ROS1: variants seen among roughly 807,000 people sequenced by gnomAD.
ROS1 encodes proto-oncogene tyrosine-protein kinase ROS.
Under a neutral mutation model 273.5 loss-of-function variants are expected in ROS1, and 263 were observed. The ratio of observed to expected loss-of-function variants is 0.96; its 90% CI spans 0.87 to 1.06. ROS1 has a LOEUF of 1.06. Ranked by LOEUF, ROS1 falls within the 50% of genes least tolerant of loss-of-function variation. The pLI is 0.00. For missense variants in ROS1, 2,833 were observed against 2,751.1 expected (o/e 1.03, Z -0.67); for synonymous variants, 1,008 against 954.1 (o/e 1.06, Z -1.04).
At chr6:117,356,994 C>G in intron 25 of ROS1, 79 bp from the exon 26 acceptor site, 2 of 1,231,624 alleles carry the variant, frequency 1.6e-6, no homozygotes, top group Non-Finnish European at 2.3e-6. Context: ...TGCAGAGCAA[C>G]TATTGCTAAT....
chr6:117,365,329 C>T (rs1780125845), intron 20 of ROS1, 125 bp from the exon 21 acceptor site: 1 of 1,018,664 alleles, frequency 9.8e-7, no homozygotes, highest in Admixed American at 2.8e-5. Context: ...TTTGGAAGTG[C>T]TAATTTTGGC....
At position 117,359,929 on chromosome 6, in the gene ROS1, CCA is replaced by C; in HGVS notation, c.3511_3512del (p.Trp1171AspfsTer16). 6.2e-7 allele frequency: 1 copy of C among 1,613,804 alleles called. No individual in the cohort carries two copies. Among genetic ancestry groups the C allele is most frequent in the Admixed American group, 1.7e-5 (1 of 60,000 alleles). ...FLDMDQNQVV[W>X]TFSAERVISA... ...TGATAACTCTTTCTGCTGAAAACGT[CCA>C]CACAACTTGATTTTGATCCATATCT... On this transcript the variant is annotated frameshift_variant, in exon 24 of 44. Coordinates refer to ENST00000368507, the MANE Select transcript of ROS1 (RefSeq NM_001378902.1). LOFTEE classifies it high-confidence loss of function.
At chr6:117,365,546 T>C in intron 20 of ROS1, 35 bp downstream of exon 20, 1 of 1,579,866 alleles carries the variant, frequency 6.3e-7, no homozygotes, top group Non-Finnish European at 8.7e-7. Context: ...TACAGTCTGT[T>C]TGGGAAATGA....
rs144966139 is a variant in ROS1 at position 117,301,952 on chromosome 6, T to C, written c.6552-815A>G. ...GTGCAGCACTCTTAAGTAGTATTCA[T>C]TCATTCACTCAGCAAAGATGTTGGA... On this transcript the variant is annotated intron_variant, in intron 42 of 43. Coordinates refer to ENST00000368507, the MANE Select transcript of ROS1 (RefSeq NM_001378902.1). Among the ~76,000 whole-genome samples the C allele has an allele frequency of 8.2e-3, 1,243 of 152,298 alleles. 9 individuals are homozygous for C. The highest frequency in any genetic ancestry group is 0.071 in the Middle Eastern group (21 of 294).
At chr6:117,336,765 C>G (rs761631045) in intron 32 of ROS1, among the ~76,000 whole-genome samples, 3 of 152,024 alleles carry the variant, frequency 2.0e-5, no homozygotes, top group African/African-American at 7.2e-5. Flanking sequence ...GAGCTCATCT[C>G]AGAGTTAAGG....
At chr6:117,411,134 A>T (rs1347650693) in intron 4 of ROS1, among the ~76,000 whole-genome samples, 4 of 152,114 alleles carry the variant, frequency 2.6e-5, no homozygotes, top group Non-Finnish European at 5.9e-5. Context: ...TTCAGGGGAA[A>T]TCGATAATAA....
intron 35 of ROS1, among the ~76,000 whole-genome samples, chr6:117,323,723 T>A (rs116538089): frequency 6.6e-6 from 1 of 152,108 alleles, no homozygotes. Context: ...GTAAATCTTC[T>A]TAGAAAAAAA....
In ROS1 at chr6:117,353,097, G is replaced by C. The variant is rs770579061; in HGVS notation, c.4196C>G (p.Thr1399Arg). 6.2e-7 allele frequency: 1 copy of C among 1,614,042 alleles called. No individual in the cohort carries two copies. Among genetic ancestry groups the C allele is most frequent in the Non-Finnish European group, 8.5e-7 (1 of 1,179,962 alleles). The change falls in exon 27 of 44, where the codon ACA becomes AGA. Residue 1399 changes from threonine to arginine, a missense_variant. Thr to Arg is a moderately conservative substitution (Grantham distance 71). Coordinates refer to ENST00000368507, the MANE Select transcript of ROS1 (RefSeq NM_001378902.1). ...IYWIITAKDS[T>R]QIYQAKKGNG... ...TCCTTTCTTTGCCTGATAAATCTGTGTGCTGTCCTTTGCTGTGATGATCCA... is the reference window on the plus strand; with the variant it reads ...TCCTTTCTTTGCCTGATAAATCTGTCTGCTGTCCTTTGCTGTGATGATCCA...
chr6:117,361,158 T>C (rs1464195525), intron 22 of ROS1, among the ~76,000 whole-genome samples: 1 of 151,916 alleles, frequency 6.6e-6, no homozygotes, highest in Non-Finnish European at 1.5e-5. Context: ...ATACATTTTT[T>C]CCCATTGGGC....
intron 31 of ROS1, among the ~76,000 whole-genome samples, chr6:117,338,184 AAG>A (rs1409470368): frequency 1.3e-5 from 2 of 152,248 alleles, no homozygotes; most frequent in Admixed American, 1.3e-4. Flanking sequence ...GTTTCATAAA[AAG>A]GTCAGTTTCC....
intron 32 of ROS1, among the ~76,000 whole-genome samples, chr6:117,330,208 C>T (rs1231829206): frequency 1.3e-5 from 2 of 152,368 alleles, no homozygotes; most frequent in Admixed American, 1.3e-4. Context: ...TGGTAGTCAG[C>T]GGCCAGAGTG....
rs905591135 is a variant in ROS1, at chr6:117,357,920, T to A, written c.3723A>T (p.Gln1241His). 6.2e-7 allele frequency: 1 copy of A among 1,613,646 alleles called. No homozygotes were observed. The highest frequency in any genetic ancestry group is 1.7e-5 in the Admixed American group (1 of 60,014). ...RHLYFALKESQNGMQVFDVDL... is the reference protein window; with the variant it reads ...RHLYFALKESHNGMQVFDVDL... The stretch of plus-strand genomic sequence containing the variant: ...CAACATCAAATACTTGCATTCCATT[T>A]TGTGATTCTTTCAGTGCAAAGTAGA... Residue 1241 changes from glutamine (Q) to histidine (H), a missense_variant, in exon 25 of 44, where the codon CAA becomes CAT. Gln to His is a conservative substitution (Grantham distance 24). Coordinates refer to ENST00000368507, the MANE Select transcript of ROS1 (RefSeq NM_001378902.1).
chr6:117,403,624 C>G (rs772619262), intron 6 of ROS1, among the ~76,000 whole-genome samples: 7 of 151,808 alleles, frequency 4.6e-5, no homozygotes, highest in Non-Finnish European at 1.0e-4. Context: ...GACCGTACTT[C>G]TGAATTGCTA....
At chr6:117,320,879 G>T (rs999236521) in intron 36 of ROS1, among the ~76,000 whole-genome samples, 1 of 151,784 alleles carries the variant, frequency 6.6e-6, no homozygotes, top group African/African-American at 2.4e-5. Context: ...TTCTGAAATG[G>T]AGTAAGATTG....
chr6:117,377,581 T>C (rs534826412), intron 18 of ROS1, among the ~76,000 whole-genome samples: 98 of 152,236 alleles, frequency 6.4e-4, no homozygotes, highest in African/African-American at 2.3e-3. Flanking sequence ...ATAGATCTAA[T>C]CATGAAAGCT....
chr6:117,393,485 T>A lies in ROS1; in HGVS notation c.1192-164A>T, dbSNP rs547038556. ...AAAGCCCTTAAACGACAGTTTTATA[T>A]CCTATATCCTAATGAATTTATACAT... On this transcript the variant is annotated intron_variant, in intron 11 of 43. Coordinates refer to ENST00000368507, the MANE Select transcript of ROS1 (RefSeq NM_001378902.1). Among the ~76,000 whole-genome samples, 3 of 152,292 alleles carry A rather than the reference T, an allele frequency of 2.0e-5. No homozygotes were observed. In the East Asian group the frequency reaches 5.8e-4, roughly 29 times the overall value.
At chr6:117,325,612 A>G (rs1776578434) in intron 34 of ROS1, among the ~76,000 whole-genome samples, 1 of 152,192 alleles carries the variant, frequency 6.6e-6, no homozygotes, top group African/African-American at 2.4e-5. Context: ...GCGTAAGTCA[A>G]GGGCACAGGC....
At chr6:117,387,089 T>C in intron 14 of ROS1, 90 bp from the exon 15 acceptor site, 1 of 554,564 alleles carries the variant, frequency 1.8e-6, no homozygotes, top group South Asian at 3.8e-5. Flanking sequence ...CCTTATATCT[T>C]ATGATTTTCT....
rs1187267182 is a variant in ROS1, at chr6:117,317,128, A to G, written c.6117+15T>C. 1 of 1,606,272 alleles carries G rather than the reference A, an allele frequency of 6.2e-7. No individual in the cohort carries two copies. The highest frequency in any genetic ancestry group is 1.7e-5 in the Admixed American group (1 of 58,146). On this transcript the variant is annotated intron_variant, in intron 39 of 43. Coordinates refer to ENST00000368507, the MANE Select transcript of ROS1 (RefSeq NM_001378902.1). ...TTGCATTATGAAACCAATATTATGG[A>G]TCCCAACTGCCTACCGTTGCCATCC... is the stretch of plus-strand genomic sequence containing the variant.
Sources: gnomAD v4.1 joint callset for allele counts (sites outside exome capture counted in the v4.1 genomes callset) on GRCh38, gnomAD v4.1.1 for gene constraint, MANE v1.5 for transcripts, NCBI Gene and HGNC (gene_info 2026-07-23, HGNC 2026-07-21) for gene names.